AFAP1L1: variants seen among roughly 807,000 people sequenced by gnomAD.
AFAP1L1 encodes actin filament associated protein 1 like 1.
In AFAP1L1, 77 loss-of-function variants were observed where a neutral mutation model predicts 99.8. The observed-to-expected ratio is 0.77, with a 90% CI of 0.64 to 0.93. The LOEUF (loss-of-function observed/expected upper bound fraction) is 0.93, where lower values mean the gene tolerates loss of function less well. Ranked by LOEUF, AFAP1L1 falls within the 40% of genes least tolerant of loss-of-function variation. AFAP1L1 has a pLI of 0.00. For synonymous variants in AFAP1L1, 373 were observed against 395.3 expected, an observed-to-expected ratio of 0.94 and a Z score of 0.67; for missense variants, 893 against 996.8, an observed-to-expected ratio of 0.90 and a Z score of 1.40.
intron 11 of AFAP1L1, 80 bp downstream of exon 11, chr5:149,316,383 G>C: frequency 1.3e-6 from 2 of 1,524,866 alleles, no homozygotes; most frequent in Non-Finnish European, 1.8e-6. Flanking sequence ...GAGACCTCAT[G>C]CCTCGTCCAC....
At chr5:149,319,463 CCGAGTAT>C in intron 12 of AFAP1L1, 112 bp from the exon 13 acceptor site, 1 of 1,168,386 alleles carries the variant, frequency 8.6e-7, no homozygotes, top group Non-Finnish European at 1.2e-6. Context: ...CCTCTTTGAC[CCGAGTAT>C]CGGGTACGTA....
At chr5:149,272,781 C>T (rs1441356519) in intron 1 of AFAP1L1, among the ~76,000 whole-genome samples, 1 of 139,362 alleles carries the variant, frequency 7.2e-6, no homozygotes, top group Non-Finnish European at 1.6e-5. Flanking sequence ...TGGCTCACTG[C>T]AACCTCCGCC....
rs745308127 is a variant in AFAP1L1, at chr5:149,322,586, C to A, written c.1699-20C>A. The stretch of plus-strand genomic sequence containing the variant: ...TCTGCGCCTGCCTGAACTTGACTGT[C>A]TTCCTCCATCTCCCACCAGGACGAG... On this transcript the variant is annotated intron_variant, in intron 14 of 18. Transcript: ENST00000296721. 1.3e-6 allele frequency: 2 copies of A among 1,549,360 alleles called. No individual in the cohort carries two copies. Among genetic ancestry groups the A allele is most frequent in the African/African-American group, 1.4e-5 (1 of 73,276 alleles).
intron 6 of AFAP1L1, 84 bp downstream of exon 6, chr5:149,306,488 T>A: frequency 7.8e-7 from 1 of 1,275,954 alleles, no homozygotes; most frequent in Non-Finnish European, 1.1e-6. Flanking sequence ...TTAGCATGGG[T>A]GTGCCCACCA....
chr5:149,317,870 C>T lies in AFAP1L1; in HGVS notation c.1409C>T (p.Pro470Leu), dbSNP rs750817401. 1.1e-5 allele frequency: 18 copies of T among 1,603,714 alleles called. No individual in the cohort carries two copies. The highest frequency in any genetic ancestry group is 1.4e-5 in the Non-Finnish European group (17 of 1,175,234). The change falls in exon 12 of 19, where the codon CCG (proline) becomes CTG (leucine). Residue 470 changes from proline to leucine, a missense_variant. Transcript: ENST00000296721. ...AIALQGCEVA[P>L]GFGPRHPFAF... ...GCCCTGCAAGGCTGTGAGGTGGCCC[C>T]GGGCTTTGGGCCCCGACACCCATTT... is the stretch of plus-strand genomic sequence containing the variant.
Position 149,322,710 on chromosome 5 carries a change from C to T in AFAP1L1, c.1803C>T (p.His601=), listed in dbSNP as rs758249512. Residue 601 remains histidine, a synonymous_variant, in exon 15 of 19, where the codon CAC becomes CAT. Transcript: ENST00000296721. ...ACCCGCAGGTCAAAGTCAAACGCCA[C>T]GCCTCCAGTGAGTTGTGTGTGGGCC... ...RVDPQVKVKR[H]ASSANQYKYG... 31 of 1,580,918 alleles carry T rather than the reference C, an allele frequency of 2.0e-5. No homozygotes were observed. The highest frequency in any genetic ancestry group is 2.3e-5 in the Non-Finnish European group (27 of 1,162,174).
intron 15 of AFAP1L1, among the ~76,000 whole-genome samples, chr5:149,325,433 T>C (rs1163768391): frequency 6.6e-6 from 1 of 152,190 alleles, no homozygotes; most frequent in Non-Finnish European, 1.5e-5. Context: ...TCTAGGTGAT[T>C]GCAGCCAAGA....
At chr5:149,272,047 T>G in intron 1 of AFAP1L1, 63 bp downstream of exon 1, 1 of 1,230,856 alleles carries the variant, frequency 8.1e-7, no homozygotes, top group Non-Finnish European at 1.0e-6. Context: ...GACTGGACGA[T>G]CTGAAGCCGG....
intron 1 of AFAP1L1, among the ~76,000 whole-genome samples, chr5:149,277,376 G>A (rs921172226): frequency 3.9e-5 from 6 of 152,128 alleles, no homozygotes; most frequent in African/African-American, 4.8e-5. Context: ...TCTTGCCTCC[G>A]TTGAACCAGC....
rs760738809 is a variant in AFAP1L1, at chr5:149,307,632, C to G, written c.747+19C>G. 1 of 1,610,208 alleles carries G rather than the reference C, an allele frequency of 6.2e-7. No individual in the cohort carries two copies. The highest frequency in any genetic ancestry group is 8.5e-7 in the Non-Finnish European group (1 of 1,178,968). On this transcript the variant is annotated intron_variant, in intron 7 of 18. Coordinates refer to ENST00000296721, the MANE Select transcript of AFAP1L1 (RefSeq NM_152406.4). ...GCTCCTGGTGAGTGGTCAGCAGCAG[C>G]CATGTGCCTCGGCCTCACATGGACT...
At chr5:149,306,681 C>T (rs1223632307) in intron 6 of AFAP1L1, among the ~76,000 whole-genome samples, 1 of 152,218 alleles carries the variant, frequency 6.6e-6, no homozygotes, top group Non-Finnish European at 1.5e-5. Flanking sequence ...GTTTCCTTAT[C>T]TATAAAATGG....
chr5:149,278,802 G>C (rs1003949085), intron 1 of AFAP1L1, among the ~76,000 whole-genome samples: 3 of 152,098 alleles, frequency 2.0e-5, no homozygotes, highest in African/African-American at 7.2e-5. Flanking sequence ...CTCTTGCTCT[G>C]TCTCTATCTT....
Position 149,322,598 on chromosome 5 carries a change from C to G in AFAP1L1, c.1699-8C>G, listed in dbSNP as rs1185332419. ...TGAACTTGACTGTCTTCCTCCATCTCCCACCAGGACGAGGAGCCCGAGCGC... is the reference window on the plus strand; with the variant it reads ...TGAACTTGACTGTCTTCCTCCATCTGCCACCAGGACGAGGAGCCCGAGCGC... On this transcript the variant is annotated splice_region_variant and splice_polypyrimidine_tract_variant and intron_variant, in intron 14 of 18. Coordinates refer to ENST00000296721, the MANE Select transcript of AFAP1L1 (RefSeq NM_152406.4). The G allele has an allele frequency of 6.4e-7, 1 of 1,560,306 alleles. No individual in the cohort carries two copies. Among genetic ancestry groups the G allele is most frequent in the Non-Finnish European group, 8.7e-7 (1 of 1,150,768 alleles).
At chr5:149,339,848 G>T (rs1757511885) in intron 18 of AFAP1L1, among the ~76,000 whole-genome samples, 159 bp from the exon 19 acceptor site, 1 of 152,210 alleles carries the variant, frequency 6.6e-6, no homozygotes, top group African/African-American at 2.4e-5. Context: ...GCATGGAGAA[G>T]TGACTTACTC....
Position 149,312,898 on chromosome 5 carries a change from G to A in AFAP1L1, c.1020+694G>A, listed in dbSNP as rs377570183. Among the ~76,000 whole-genome samples, 31 of 152,230 alleles carry A rather than the reference G, an allele frequency of 2.0e-4. 1 individual carries two copies. In the East Asian group the frequency reaches 4.1e-3, roughly 20 times the overall value. On this transcript the variant is annotated intron_variant, in intron 9 of 18. Transcript: ENST00000296721. ...TCCCAGCACTTTGGGAGGCCGAGGC[G>A]GGTGGATCACCTGAGTTCAGGAGTT...
intron 9 of AFAP1L1, 188 bp downstream of exon 9, chr5:149,312,392 C>T (rs550687205): frequency 2.3e-5 from 15 of 665,032 alleles, no homozygotes; most frequent in Non-Finnish European, 3.3e-5. Flanking sequence ...CATGAACAAA[C>T]GAGTGCTTAT....
chr5:149,311,209 C>G (rs1056140112), intron 8 of AFAP1L1, among the ~76,000 whole-genome samples: 15 of 152,184 alleles, frequency 9.9e-5, no homozygotes, highest in Non-Finnish European at 1.5e-4. Context: ...AACCAGCCCC[C>G]ATGATGGAAC....
At chr5:149,280,799 A>G (rs1412137520) in intron 1 of AFAP1L1, among the ~76,000 whole-genome samples, 1 of 152,094 alleles carries the variant, frequency 6.6e-6, no homozygotes, top group Non-Finnish European at 1.5e-5. Flanking sequence ...CATTGTGTTT[A>G]TCTTGGCTTC....
In AFAP1L1 at chr5:149,271,957, C is replaced by A; in HGVS notation, c.-12C>A. The A allele has an allele frequency of 8.1e-7, 1 of 1,233,302 alleles. No homozygotes were observed. The highest frequency in any genetic ancestry group is 1.0e-6 in the Non-Finnish European group (1 of 986,878). 76.4% of individuals were successfully genotyped at this position (1,233,302 alleles called of 1,614,324 possible). Reference sequence around the variant, plus strand: ...GCCCTGCGGCCCGCTCCCCGGGGACCGGGCCGGCGCCATGGACCGAGGCCA... The same window carrying A: ...GCCCTGCGGCCCGCTCCCCGGGGACAGGGCCGGCGCCATGGACCGAGGCCA... On this transcript the variant is annotated 5_prime_UTR_variant, in exon 1 of 19. Coordinates refer to ENST00000296721, the MANE Select transcript of AFAP1L1 (RefSeq NM_152406.4).
Sources: allele counts gnomAD v4.1 joint callset (sites outside exome capture counted in the v4.1 genomes callset), GRCh38; gene constraint gnomAD v4.1.1; transcripts MANE v1.5; gene names NCBI Gene and HGNC (gene_info 2026-07-23, HGNC 2026-07-21).